Variants in CHODL observed in about 807,000 individuals in gnomAD.
CHODL encodes transmembrane protein MT75.
A neutral mutation model predicts 34.5 loss-of-function variants in CHODL; 29 were observed. The ratio of observed to expected loss-of-function variants is 0.84; its 90% CI spans 0.63 to 1.15. CHODL has a LOEUF of 1.15. Ranked by LOEUF, CHODL falls within the 50% of genes most tolerant of loss-of-function variation. The probability of loss-of-function intolerance (pLI) is 0.00; values close to 1 mark genes in which losing one functional copy is unlikely to be tolerated. For missense variants in CHODL, 332 were observed against 332.5 expected (o/e 1.00, Z 0.01); for synonymous variants, 125 against 116.1 (o/e 1.08, Z -0.49).
At chr21:18,146,706 T>TA (rs2072894648) in intron 2 of CHODL, among the ~76,000 whole-genome samples, 2 of 152,198 alleles carry the variant, frequency 1.3e-5, no homozygotes, top group Non-Finnish European at 2.9e-5. Context: ...ATACAGTACT[T>TA]ACACATTTTT....
chr21:18,122,053 C>T (rs894172709), intron 2 of CHODL, among the ~76,000 whole-genome samples: 2 of 152,100 alleles, frequency 1.3e-5, no homozygotes, highest in African/African-American at 4.8e-5. Flanking sequence ...CCCTAAAGAG[C>T]AACTATACTC....
At chr21:18,265,511 G>A (rs1429571781) in intron 5 of CHODL, among the ~76,000 whole-genome samples, 1 of 151,668 alleles carries the variant, frequency 6.6e-6, no homozygotes, top group East Asian at 1.9e-4. Context: ...GTGGACTTTG[G>A]GGACTCAGAG....
At chr21:17,952,378 G>A (rs113420378) in intron 1 of CHODL, among the ~76,000 whole-genome samples, 1 of 152,002 alleles carries the variant, frequency 6.6e-6, no homozygotes, top group African/African-American at 2.4e-5. Context: ...GGGTTACCAT[G>A]ATAAGGATGA....
At chr21:17,939,499 A>G (rs948503549) in intron 1 of CHODL, among the ~76,000 whole-genome samples, 2 of 152,176 alleles carry the variant, frequency 1.3e-5, no homozygotes, top group South Asian at 2.1e-4. Flanking sequence ...ATTAAAAACA[A>G]TAAAGTAATT....
chr21:18,171,748 T>C (rs202208043), intron 2 of CHODL, among the ~76,000 whole-genome samples: 5 of 138,644 alleles, frequency 3.6e-5, no homozygotes, highest in African/African-American at 8.5e-5. Context: ...TTTTTTTTTT[T>C]TCTTTTTTTT....
At chr21:18,078,266 G>GAAGGA (rs2146509248) in intron 2 of CHODL, among the ~76,000 whole-genome samples, 2 of 152,266 alleles carry the variant, frequency 1.3e-5, no homozygotes, top group African/African-American at 4.8e-5. Flanking sequence ...AGGCAAAGGA[G>GAAGGA]AAGGAAAGGC....
intron 1 of CHODL, among the ~76,000 whole-genome samples, chr21:17,937,563 TA>T (rs1324764425): frequency 6.6e-6 from 1 of 152,238 alleles, no homozygotes; most frequent in Non-Finnish European, 1.5e-5. Context: ...TGTTTCTTCA[TA>T]AAAATACAGT....
At chr21:18,066,363 G>A (rs560114203) in intron 2 of CHODL, among the ~76,000 whole-genome samples, 3 of 152,062 alleles carry the variant, frequency 2.0e-5, no homozygotes, top group Non-Finnish European at 4.4e-5. Flanking sequence ...ACCTCAATAT[G>A]GGAATGTCTC....
At chr21:17,932,206 G>T (rs1396393382) in intron 1 of CHODL, among the ~76,000 whole-genome samples, 5 of 152,110 alleles carry the variant, frequency 3.3e-5, no homozygotes, top group Non-Finnish European at 5.9e-5. Flanking sequence ...TGAAAAAAAG[G>T]CTCAACATTA....
intron 2 of CHODL, among the ~76,000 whole-genome samples, chr21:18,039,902 A>G (rs1033668723): frequency 1.3e-5 from 2 of 151,838 alleles, no homozygotes; most frequent in Admixed American, 6.6e-5. Flanking sequence ...TTTGACATTT[A>G]TATAGATATT....
At chr21:18,188,845 G>A (rs1039859547) in intron 2 of CHODL, among the ~76,000 whole-genome samples, 1 of 152,226 alleles carries the variant, frequency 6.6e-6, no homozygotes. Context: ...AGTAAACGAT[G>A]TGCGTGTTCA....
chr21:18,265,290 C>T (rs8129138), intron 5 of CHODL, among the ~76,000 whole-genome samples: 2,750 of 80,950 alleles, frequency 0.034, 60 homozygotes, highest in African/African-American at 0.2. Context: ...TATATATATA[C>T]ACACACACAC....
At chr21:17,931,106 C>T (rs1489794989) in intron 1 of CHODL, among the ~76,000 whole-genome samples, 1 of 152,174 alleles carries the variant, frequency 6.6e-6, no homozygotes, top group Non-Finnish European at 1.5e-5. Flanking sequence ...GCAACCTTGG[C>T]ACATTTCACC....
At chr21:18,237,796 T>C (rs1212909792) in intron 2 of CHODL, among the ~76,000 whole-genome samples, 2 of 152,144 alleles carry the variant, frequency 1.3e-5, no homozygotes, top group African/African-American at 4.8e-5. Flanking sequence ...ATTTATTGAA[T>C]AAACATAAAA....
intron 2 of CHODL, among the ~76,000 whole-genome samples, chr21:18,043,995 C>T (rs952273170): frequency 2.6e-5 from 4 of 151,916 alleles, no homozygotes; most frequent in African/African-American, 9.7e-5. Flanking sequence ...ATCTCCCCGC[C>T]ACAACACATG....
At chr21:18,216,062 C>T (rs530550930) in intron 2 of CHODL, among the ~76,000 whole-genome samples, 1 of 151,842 alleles carries the variant, frequency 6.6e-6, no homozygotes, top group African/African-American at 2.4e-5. Context: ...TACATTATTT[C>T]TTCTCTTATA....
At chr21:18,144,712 T>TA (rs545322563) in intron 2 of CHODL, among the ~76,000 whole-genome samples, 3 of 151,850 alleles carry the variant, frequency 2.0e-5, no homozygotes, top group African/African-American at 4.8e-5. Flanking sequence ...CTGGAGGTTA[T>TA]AAAAAAAATC....
In CHODL at chr21:18,244,961, G is replaced by T; in HGVS notation, c.-263G>T. 2.3e-6 allele frequency: 1 copy of T among 431,954 alleles called. No individual in the cohort carries two copies. The highest frequency in any genetic ancestry group is 4.1e-6 in the Non-Finnish European group (1 of 245,008). 26.8% of individuals were successfully genotyped at this position (431,954 alleles called of 1,614,324 possible). ...TCTGCTTCGCCTCTAGGACATACAC[G>T]GGACCCCCTAACTTCAGTCCCCCAA... is the stretch of plus-strand genomic sequence containing the variant. On this transcript the variant is annotated 5_prime_UTR_variant, in exon 1 of 6. Transcript: ENST00000299295.
At chr21:17,978,237 C>A (rs190160888) in intron 1 of CHODL, among the ~76,000 whole-genome samples, 57 of 151,858 alleles carry the variant, frequency 3.8e-4, no homozygotes, top group African/African-American at 1.3e-3. Context: ...GCCTGGCCAG[C>A]ATGGTGAAAC....
Sources: allele counts gnomAD v4.1 joint callset (sites outside exome capture counted in the v4.1 genomes callset), GRCh38; gene constraint gnomAD v4.1.1; transcripts MANE v1.5; gene names NCBI Gene and HGNC (gene_info 2026-07-23, HGNC 2026-07-21).